The following DLG2 variants were observed in gnomAD, a reference collection of about 807,000 sequenced individuals.
The protein encoded by DLG2 is discs large MAGUK scaffold protein 2, also known as disks large homolog 2.
A neutral mutation model predicts 132.5 loss-of-function variants in DLG2; 45 were observed. The ratio of observed to expected loss-of-function variants is 0.34; its 90% CI spans 0.27 to 0.44. The LOEUF is 0.44. Among genes scored for constraint, DLG2 ranks in the 20% least tolerant of loss-of-function variants. The pLI is 1.00. For missense variants in DLG2, 1,045 were observed against 1,196.9 expected (o/e 0.87, Z 1.87); for synonymous variants, 424 against 419.6 (o/e 1.01, Z -0.13).
chr11:85,399,916 C>G (rs191759469), intron 3 of DLG2, among the ~76,000 whole-genome samples: 3 of 152,044 alleles, frequency 2.0e-5, no homozygotes, highest in Non-Finnish European at 4.4e-5. Flanking sequence ...GCAACAAAAG[C>G]CAAAATTGAC....
chr11:84,119,418 C>T (rs965935104), intron 9 of DLG2, among the ~76,000 whole-genome samples: 2 of 151,364 alleles, frequency 1.3e-5, no homozygotes, highest in African/African-American at 4.8e-5. Context: ...TTCATTACAA[C>T]TGGATTCATA....
intron 8 of DLG2, among the ~76,000 whole-genome samples, chr11:84,193,636 T>C (rs1286471317): frequency 1.3e-5 from 2 of 152,214 alleles, no homozygotes. Context: ...ATTAGAATTT[T>C]ACCTAAGAAA....
At chr11:84,695,341 T>C (rs2058508032) in intron 6 of DLG2, among the ~76,000 whole-genome samples, 1 of 151,614 alleles carries the variant, frequency 6.6e-6, no homozygotes, top group Admixed American at 6.6e-5. Context: ...TTGCATTGCT[T>C]TGTGTGGCTT....
chr11:85,109,910 A>G (rs888893458), intron 6 of DLG2, among the ~76,000 whole-genome samples: 1 of 152,154 alleles, frequency 6.6e-6, no homozygotes, highest in Non-Finnish European at 1.5e-5. Context: ...AAATACCATT[A>G]TTAATCCTCT....
At chr11:84,477,233 G>A (rs911848316) in intron 7 of DLG2, among the ~76,000 whole-genome samples, 1 of 151,956 alleles carries the variant, frequency 6.6e-6, no homozygotes, top group African/African-American at 2.4e-5. Context: ...AGTGACTCGT[G>A]CCTGTAATCC....
At chr11:84,056,565 A>C (rs1238510951) in intron 11 of DLG2, among the ~76,000 whole-genome samples, 2 of 152,138 alleles carry the variant, frequency 1.3e-5, no homozygotes, top group Non-Finnish European at 2.9e-5. Context: ...AGGGTGCATA[A>C]GAGTTTCCAC....
intron 6 of DLG2, among the ~76,000 whole-genome samples, chr11:84,925,296 G>C (rs2092935369): frequency 6.6e-6 from 1 of 152,180 alleles, no homozygotes; most frequent in South Asian, 2.1e-4. Flanking sequence ...TACAGGTGAA[G>C]AAGTACATGT....
intron 15 of DLG2, among the ~76,000 whole-genome samples, chr11:83,881,831 T>A (rs1389465637): frequency 1.3e-5 from 2 of 152,230 alleles, no homozygotes; most frequent in African/African-American, 4.8e-5. Context: ...TATAATTACA[T>A]AATTAAATGT....
At chr11:85,219,813 G>T (rs1172069407) in intron 4 of DLG2, among the ~76,000 whole-genome samples, 1 of 150,994 alleles carries the variant, frequency 6.6e-6, no homozygotes, top group African/African-American at 2.4e-5. Context: ...GCACTTCAGG[G>T]AAATGCGATT....
intron 6 of DLG2, among the ~76,000 whole-genome samples, chr11:85,007,038 A>G (rs892077743): frequency 2.6e-5 from 4 of 152,216 alleles, no homozygotes; most frequent in Non-Finnish European, 5.9e-5. Flanking sequence ...TAAAGAATTT[A>G]TAGTTCATAA....
intron 15 of DLG2, among the ~76,000 whole-genome samples, chr11:83,890,639 G>A (rs961626795): frequency 6.6e-6 from 1 of 152,150 alleles, no homozygotes; most frequent in Non-Finnish European, 1.5e-5. Context: ...ATCATATAAT[G>A]TAAATAATAG....
At chr11:83,752,456 T>C (rs1038754744) in intron 18 of DLG2, among the ~76,000 whole-genome samples, 4 of 151,698 alleles carry the variant, frequency 2.6e-5, no homozygotes, top group African/African-American at 7.3e-5. Flanking sequence ...GAGAAAGGAG[T>C]GTTCAACTAT....
intron 4 of DLG2, among the ~76,000 whole-genome samples, chr11:85,238,352 T>G (rs561205200): frequency 6.6e-6 from 1 of 151,768 alleles, no homozygotes; most frequent in Non-Finnish European, 1.5e-5. Context: ...CAAGCAATTC[T>G]CCTGCCTCAG....
intron 6 of DLG2, among the ~76,000 whole-genome samples, chr11:84,775,762 G>A (rs1175608168): frequency 2.0e-5 from 3 of 152,056 alleles, no homozygotes; most frequent in African/African-American, 7.2e-5. Flanking sequence ...GTACAGCAAG[G>A]GGCAAGGTTG....
intron 6 of DLG2, among the ~76,000 whole-genome samples, chr11:85,080,757 G>A (rs1305994170): frequency 6.6e-6 from 1 of 152,102 alleles, no homozygotes; most frequent in Non-Finnish European, 1.5e-5. Flanking sequence ...GGGGCAGAGT[G>A]GAGTCTCTCA....
intron 4 of DLG2, among the ~76,000 whole-genome samples, chr11:85,212,095 C>A (rs958879550): frequency 3.3e-5 from 5 of 152,078 alleles, no homozygotes; most frequent in African/African-American, 1.2e-4. Flanking sequence ...TATATCCCAC[C>A]TTATATCCAT....
rs555786986 is a variant in DLG2 at position 83,595,631 on chromosome 11, C to T, written c.1940+37580G>A. 5.3e-5 allele frequency among the ~76,000 whole-genome samples: 8 copies of T among 152,316 alleles called. No homozygotes were observed. The East Asian group carries it at 1.3e-3, about 26-fold the overall frequency. ...GGAACTAAAAATGCTGTTACTGATG[C>T]GGTCTCAGGCTGATCCTCAGCAAAC... is the stretch of plus-strand genomic sequence containing the variant. On this transcript the variant is annotated intron_variant, in intron 19 of 27. Coordinates refer to ENST00000376104, the MANE Select transcript of DLG2 (RefSeq NM_001142699.3).
In DLG2 at chr11:84,214,262, A is replaced by AAT. The variant is rs200249136; in HGVS notation, c.573+36974_573+36975dup. 2.8e-3 allele frequency among the ~76,000 whole-genome samples: 365 copies of AAT among 128,554 alleles called. 33 individuals are homozygous for AAT. The highest frequency in any genetic ancestry group is 0.015 in the African/African-American group (335 of 22,914). 84.3% of individuals were successfully genotyped at this position (128,554 alleles called of 152,430 possible). A position where few individuals can be genotyped will look rare whatever the true frequency, so the allele number is the denominator to read the frequency against. Reference sequence around the variant, plus strand: ...ATGAATATATATATACATATATATGAATATATATACACATATATGAATATA... The same window carrying AAT: ...ATGAATATATATATACATATATATGAATATATATATACACATATATGAATATA... On this transcript the variant is annotated intron_variant, in intron 8 of 27. Transcript: ENST00000376104.
chr11:85,373,031 A>C (rs1253295299), intron 3 of DLG2, among the ~76,000 whole-genome samples: 1 of 152,160 alleles, frequency 6.6e-6, no homozygotes, highest in African/African-American at 2.4e-5. Context: ...TTGTGTCTCC[A>C]TACCATGGGA....
Sources: gnomAD v4.1 joint callset for allele counts (sites outside exome capture counted in the v4.1 genomes callset) on GRCh38, gnomAD v4.1.1 for gene constraint, MANE v1.5 for transcripts, NCBI Gene and HGNC (gene_info 2026-07-23, HGNC 2026-07-21) for gene names.